VPS54: variants seen among roughly 807,000 people sequenced by gnomAD.
VPS54 encodes VPS54 subunit of GARP complex.
In VPS54, 45 loss-of-function variants were observed where a neutral mutation model predicts 121.5. The ratio of observed to expected loss-of-function variants is 0.37; its 90% CI spans 0.29 to 0.47. The LOEUF (loss-of-function observed/expected upper bound fraction) is 0.47, where lower values mean the gene tolerates loss of function less well. Ranked by LOEUF, VPS54 falls within the 20% of genes least tolerant of loss-of-function variation. The pLI is 0.99. For missense variants in VPS54, 1,090 were observed against 1,131.4 expected, an observed-to-expected ratio of 0.96 and a Z score of 0.52; for synonymous variants, 371 against 385.8, an observed-to-expected ratio of 0.96 and a Z score of 0.45.
intron 3 of VPS54, among the ~76,000 whole-genome samples, chr2:63,980,301 A>G (rs757203370): frequency 6.6e-5 from 10 of 152,218 alleles, no homozygotes; most frequent in South Asian, 4.1e-4. Flanking sequence ...AGCATGGTAT[A>G]TATTTTTTCC....
intron 20 of VPS54, 142 bp downstream of exon 20, chr2:63,912,203 A>G (rs1673178462): frequency 1.1e-6 from 1 of 882,556 alleles, no homozygotes; most frequent in Non-Finnish European, 1.7e-6. Context: ...TTCCTGAAAA[A>G]AAATTTAAAA....
At chr2:64,017,066 G>T (rs1678735272) in intron 1 of VPS54, among the ~76,000 whole-genome samples, 1 of 148,922 alleles carries the variant, frequency 6.7e-6, no homozygotes, top group African/African-American at 2.5e-5. Context: ...GCCGGGGCCG[G>T]GGCGGTGGCT....
intron 1 of VPS54, among the ~76,000 whole-genome samples, chr2:63,991,266 T>C (rs1456886247): frequency 6.6e-6 from 1 of 152,232 alleles, no homozygotes; most frequent in Non-Finnish European, 1.5e-5. Flanking sequence ...AATTACAAGA[T>C]GCCATTGAAA....
intron 10 of VPS54, among the ~76,000 whole-genome samples, chr2:63,944,229 C>T (rs138445611): frequency 5.6e-4 from 85 of 152,220 alleles, no homozygotes; most frequent in African/African-American, 2.0e-3. Context: ...TGTCCCTGTC[C>T]ATCCTGCTCT....
intron 3 of VPS54, among the ~76,000 whole-genome samples, chr2:63,976,271 G>C (rs556472354): frequency 6.7e-6 from 1 of 149,604 alleles, no homozygotes; most frequent in African/African-American, 2.5e-5. Context: ...AGGATTGCTC[G>C]AGCCGGGAGG....
At chr2:63,939,352 C>CA (rs1187519538) in intron 11 of VPS54, among the ~76,000 whole-genome samples, 1 of 151,408 alleles carries the variant, frequency 6.6e-6, no homozygotes, top group Non-Finnish European at 1.5e-5. Flanking sequence ...AGCCTGGCGA[C>CA]AGAGTGAAAC....
chr2:63,913,225 A>C lies in VPS54; in HGVS notation c.2420T>G (p.Leu807Trp). ...VGLKTITTKN[L>W]ALSSRCLQLI... is the part of the protein sequence containing the mutation. The stretch of plus-strand genomic sequence containing the variant: ...GAATTAAACGCAAGAATCCATACCC[A>C]AATTTTTTGTAGTTATCGTTTTTAG... Residue 807 changes from leucine to tryptophan, a missense_variant and splice_region_variant, in exon 18 of 23, where the codon TTG becomes TGG. By Grantham distance (61) the Leu-to-Trp change is moderately conservative. This residue lies in a region of VPS54 where 289 missense variants were observed against 374.4 expected (regional missense o/e 0.77). Transcript: ENST00000272322. The C allele has an allele frequency of 6.2e-7, 1 of 1,608,786 alleles. No individual in the cohort carries two copies. Among genetic ancestry groups the C allele is most frequent in the Non-Finnish European group, 8.5e-7 (1 of 1,178,030 alleles).
At chr2:63,911,491 T>A (rs145097363) in intron 20 of VPS54, among the ~76,000 whole-genome samples, 2,679 of 152,294 alleles carry the variant, frequency 0.018, 34 homozygotes, top group Non-Finnish European at 0.022. Flanking sequence ...AGATGCTATT[T>A]ATCTATTTTA....
intron 2 of VPS54, among the ~76,000 whole-genome samples, chr2:63,983,153 ATTTT>A (rs36020182): frequency 2.8e-5 from 4 of 144,390 alleles, no homozygotes; most frequent in African/African-American, 7.6e-5. Flanking sequence ...TTTCCAAATG[ATTTT>A]TTTTTTTTTT....
chr2:63,996,565 C>T (rs112294734), intron 1 of VPS54, among the ~76,000 whole-genome samples: 13 of 152,222 alleles, frequency 8.5e-5, no homozygotes, highest in East Asian at 3.9e-4. Flanking sequence ...CTGGAAGCCA[C>T]GCAGGACAGA....
chr2:63,924,221 T>G (rs1282245543), intron 12 of VPS54, among the ~76,000 whole-genome samples: 1 of 152,224 alleles, frequency 6.6e-6, no homozygotes, highest in Non-Finnish European at 1.5e-5. Context: ...TTCTCTCTTT[T>G]GCCACAATGA....
chr2:63,908,695 A>G (rs1673009527), intron 20 of VPS54, among the ~76,000 whole-genome samples: 1 of 146,904 alleles, frequency 6.8e-6, no homozygotes, highest in Non-Finnish European at 1.5e-5. Flanking sequence ...AGTAACAGCA[A>G]CAGCAAAAGC....
chr2:63,929,544 A>C (rs1198828405), intron 12 of VPS54, among the ~76,000 whole-genome samples: 1 of 152,222 alleles, frequency 6.6e-6, no homozygotes, highest in Non-Finnish European at 1.5e-5. Context: ...ATAGCAGTAA[A>C]TGCCCACAAG....
intron 1 of VPS54, among the ~76,000 whole-genome samples, chr2:63,987,466 TC>T (rs1677105514): frequency 7.3e-6 from 1 of 136,564 alleles, no homozygotes; most frequent in African/African-American, 2.5e-5. Flanking sequence ...ATGCGGTTCT[TC>T]CAATTTTCTT....
At chr2:63,987,019 G>A (rs189899380) in intron 1 of VPS54, among the ~76,000 whole-genome samples, 41 of 152,218 alleles carry the variant, frequency 2.7e-4, no homozygotes, top group Middle Eastern at 3.4e-3. Context: ...CATTCTGTGG[G>A]ATGTCTCCTC....
intron 1 of VPS54, among the ~76,000 whole-genome samples, chr2:63,999,387 T>TA (rs1274705013): frequency 1.3e-5 from 2 of 152,226 alleles, no homozygotes; most frequent in Admixed American, 6.5e-5. Context: ...GTAAAAGGTT[T>TA]TTTCCTTCGG....
chr2:63,913,353 C>G (rs1673236320), intron 17 of VPS54, 43 bp from the exon 18 acceptor site: 1 of 1,473,970 alleles, frequency 6.8e-7, no homozygotes, highest in Non-Finnish European at 9.3e-7. Context: ...TTACTAAAAA[C>G]TGTTCTTTAT....
intron 1 of VPS54, among the ~76,000 whole-genome samples, chr2:63,992,671 T>G (rs1187452467): frequency 1.3e-5 from 2 of 152,234 alleles, no homozygotes; most frequent in African/African-American, 4.8e-5. Flanking sequence ...TCTCCTGTGT[T>G]TCTAGTAAAA....
intron 12 of VPS54, 43 bp from the exon 13 acceptor site, chr2:63,921,378 C>G: frequency 6.2e-7 from 1 of 1,602,346 alleles, no homozygotes; most frequent in Non-Finnish European, 8.5e-7. Flanking sequence ...AAGTTGTAAA[C>G]ATAGTATTCT....
Sources: gnomAD v4.1 joint callset for allele counts (sites outside exome capture counted in the v4.1 genomes callset) on GRCh38, gnomAD v4.1.1 for gene constraint, gnomAD v4.1.1 regional missense constraint, MANE v1.5 for transcripts, NCBI Gene and HGNC (gene_info 2026-07-23, HGNC 2026-07-21) for gene names.